KCNH1: variants seen among roughly 807,000 people sequenced by gnomAD.
The protein encoded by KCNH1 is voltage-gated delayed rectifier potassium channel KCNH1.
Under a neutral mutation model 69.2 loss-of-function variants are expected in KCNH1, and 27 were observed. The observed-to-expected ratio is 0.39, with a 90% CI of 0.29 to 0.54. KCNH1 has a LOEUF of 0.54. Among genes scored for constraint, KCNH1 ranks in the 20% least tolerant of loss-of-function variants. The pLI is 0.68. For missense variants in KCNH1, 798 were observed against 1,261.6 expected (o/e 0.63, Z 5.57); for synonymous variants, 456 against 487.7 (o/e 0.93, Z 0.86).
intron 5 of KCNH1, among the ~76,000 whole-genome samples, chr1:211,029,919 C>A (rs1196258674): frequency 2.0e-5 from 3 of 152,058 alleles, no homozygotes; most frequent in Non-Finnish European, 4.4e-5. Context: ...TTACATAATA[C>A]CATTTATAAT....
intron 7 of KCNH1, among the ~76,000 whole-genome samples, chr1:210,844,005 A>T (rs891834294): frequency 6.6e-6 from 1 of 152,178 alleles, no homozygotes; most frequent in African/African-American, 2.4e-5. Flanking sequence ...TGATGAGACC[A>T]CAAAGAAGGA....
chr1:210,974,561 C>CTTT (rs11321855), intron 6 of KCNH1, among the ~76,000 whole-genome samples: 7 of 95,254 alleles, frequency 7.3e-5, no homozygotes, highest in Non-Finnish European at 1.2e-4. Context: ...TTTCTTCATC[C>CTTT]TTTTTTTTTT....
chr1:210,701,604 C>T (rs1681782864), intron 10 of KCNH1, among the ~76,000 whole-genome samples: 1 of 152,228 alleles, frequency 6.6e-6, no homozygotes, highest in East Asian at 1.9e-4. Flanking sequence ...ATAACCCCTT[C>T]TTTTCCCTGA....
chr1:210,789,122 C>A (rs1200996041), intron 9 of KCNH1, among the ~76,000 whole-genome samples: 1 of 152,152 alleles, frequency 6.6e-6, no homozygotes, highest in Non-Finnish European at 1.5e-5. Context: ...CTGTGCTAAG[C>A]ATGAGCAAAC....
intron 10 of KCNH1, among the ~76,000 whole-genome samples, chr1:210,706,480 T>A (rs1240817685): frequency 6.6e-6 from 1 of 152,242 alleles, no homozygotes; most frequent in Non-Finnish European, 1.5e-5. Flanking sequence ...TGGGATTATG[T>A]GAGCCATGGC....
intron 5 of KCNH1, among the ~76,000 whole-genome samples, chr1:211,068,984 C>T (rs540225710): frequency 6.6e-6 from 1 of 152,324 alleles, no homozygotes; most frequent in East Asian, 1.9e-4. Context: ...CAGGTTCTCA[C>T]AGTGAAGACG....
intron 6 of KCNH1, among the ~76,000 whole-genome samples, chr1:210,957,739 A>C (rs2358117): frequency 4.6e-5 from 7 of 152,054 alleles, no homozygotes; most frequent in South Asian, 2.1e-4. Context: ...ATTGCAACCC[A>C]TGCTTTTTTT....
intron 7 of KCNH1, chr1:210,859,660 T>A: frequency 2.3e-6 from 3 of 1,308,378 alleles, no homozygotes; most frequent in Non-Finnish European, 3.3e-6. Context: ...ATGGCAGGCA[T>A]ATGCTCTTTT....
intron 10 of KCNH1, among the ~76,000 whole-genome samples, chr1:210,763,469 A>T (rs934067767): frequency 1.7e-4 from 26 of 152,108 alleles, no homozygotes. Flanking sequence ...ATATCTAAAA[A>T]ACCCTAAAGA....
At chr1:210,985,444 A>G (rs988850202) in intron 6 of KCNH1, among the ~76,000 whole-genome samples, 3 of 151,886 alleles carry the variant, frequency 2.0e-5, no homozygotes, top group African/African-American at 7.3e-5. Flanking sequence ...CCCTCTACAC[A>G]CTGCTTTGAA....
At chr1:210,952,606 T>C (rs760310182) in intron 6 of KCNH1, among the ~76,000 whole-genome samples, 11 of 152,038 alleles carry the variant, frequency 7.2e-5, no homozygotes, top group Non-Finnish European at 1.2e-4. Context: ...CATTCAGCCC[T>C]CTTGTCTTAC....
At chr1:210,735,290 C>T (rs186359713) in intron 10 of KCNH1, among the ~76,000 whole-genome samples, 9 of 152,264 alleles carry the variant, frequency 5.9e-5, no homozygotes, top group Non-Finnish European at 1.3e-4. Flanking sequence ...CTTCTACTTC[C>T]AGTATTTGTT....
intron 6 of KCNH1, among the ~76,000 whole-genome samples, chr1:210,974,516 A>C (rs1475393166): frequency 6.7e-6 from 1 of 149,914 alleles, no homozygotes; most frequent in African/African-American, 2.4e-5. Flanking sequence ...TTATTATCAG[A>C]GTACTACTAG....
At chr1:211,121,294 A>G (rs1201755264) in intron 1 of KCNH1, among the ~76,000 whole-genome samples, 1 of 152,244 alleles carries the variant, frequency 6.6e-6, no homozygotes, top group Non-Finnish European at 1.5e-5. Context: ...ACGAGGCTAT[A>G]ATAACCAAAA....
intron 7 of KCNH1, among the ~76,000 whole-genome samples, chr1:210,884,614 A>G (rs1686564527): frequency 6.6e-6 from 1 of 152,168 alleles, no homozygotes; most frequent in Non-Finnish European, 1.5e-5. Context: ...TGGTGAGAGA[A>G]GAGCAGCAGC....
At chr1:210,875,481 TG>T (rs1459682767) in intron 7 of KCNH1, among the ~76,000 whole-genome samples, 1 of 152,192 alleles carries the variant, frequency 6.6e-6, no homozygotes, top group Middle Eastern at 3.2e-3. Flanking sequence ...GGAAACTTGC[TG>T]GTTATAAATC....
chr1:210,875,718 G>A (rs1045589690), intron 7 of KCNH1, among the ~76,000 whole-genome samples: 33 of 151,836 alleles, frequency 2.2e-4, no homozygotes, highest in African/African-American at 7.5e-4. Context: ...TGGGAGGATC[G>A]CTTGAATCCA....
chr1:211,006,465 T>C (rs146512524), intron 6 of KCNH1, among the ~76,000 whole-genome samples: 96 of 152,304 alleles, frequency 6.3e-4, no homozygotes, highest in African/African-American at 2.1e-3. Flanking sequence ...ATCATTGTCC[T>C]ATTTAATTTA....
At chr1:211,115,165 T>C (rs1691546631) in intron 1 of KCNH1, among the ~76,000 whole-genome samples, 1 of 152,142 alleles carries the variant, frequency 6.6e-6, no homozygotes, top group African/African-American at 2.4e-5. Flanking sequence ...ATTTTTGTAC[T>C]TTTAGTAGAG....
Sources: gnomAD v4.1 joint callset for allele counts (sites outside exome capture counted in the v4.1 genomes callset) on GRCh38, gnomAD v4.1.1 for gene constraint, MANE v1.5 for transcripts, NCBI Gene and HGNC (gene_info 2026-07-23, HGNC 2026-07-21) for gene names.